Variants in INO80 observed in about 807,000 individuals in gnomAD.
The protein encoded by INO80 is INO80 complex ATPase subunit, also known as chromatin-remodeling ATPase INO80.
A neutral mutation model predicts 203.4 loss-of-function variants in INO80; 20 were observed. The observed-to-expected ratio is 0.10, with a 90% CI of 0.07 to 0.14. The LOEUF is 0.14. Among genes scored for constraint, INO80 ranks in the 10% least tolerant of loss-of-function variants. INO80 has a pLI of 1.00. For missense variants in INO80, 1,419 were observed against 1,914.4 expected (o/e 0.74, Z 4.83); for synonymous variants, 726 against 685.2 (o/e 1.06, Z -0.93).
intron 7 of INO80, among the ~76,000 whole-genome samples, chr15:41,081,395 A>G (rs2045482635): frequency 6.6e-6 from 1 of 152,198 alleles, no homozygotes; most frequent in Non-Finnish European, 1.5e-5. Context: ...TATCCTGATT[A>G]AAAACATGTT....
intron 28 of INO80, chr15:41,005,350 T>C: frequency 2.5e-6 from 1 of 394,378 alleles, no homozygotes; most frequent in Non-Finnish European, 4.5e-6. Flanking sequence ...AAATAGGCAC[T>C]GGTGTCATAA....
intron 10 of INO80, 38 bp downstream of exon 10, chr15:41,074,332 A>C (rs959022611): frequency 3.4e-6 from 5 of 1,464,374 alleles, no homozygotes; most frequent in Non-Finnish European, 4.6e-6. Context: ...ATAAAAAATA[A>C]GAGGTAGCCT....
At chr15:41,083,027 A>C (rs1394426220) in intron 7 of INO80, among the ~76,000 whole-genome samples, 3 of 152,108 alleles carry the variant, frequency 2.0e-5, no homozygotes, top group Non-Finnish European at 4.4e-5. Context: ...TCACGTCTGC[A>C]ATCCCGGCAC....
intron 28 of INO80, chr15:41,004,865 A>T (rs2044014755): frequency 6.6e-6 from 1 of 152,174 alleles, no homozygotes; most frequent in Non-Finnish European, 1.5e-5. Flanking sequence ...GAAACACAGA[A>T]ACAAACTAAT....
At chr15:41,005,517 A>G in intron 28 of INO80, 76 bp downstream of exon 28, 1 of 739,060 alleles carries the variant, frequency 1.4e-6, no homozygotes, top group Non-Finnish European at 2.3e-6. Flanking sequence ...GGCATTTAAA[A>G]AAAAAAAAAA....
At position 41,048,250 on chromosome 15, in the gene INO80, G is replaced by A. The variant is rs2044802890; in HGVS notation, c.2603C>T (p.Ala868Val). The change falls in exon 22 of 36, where the codon GCA (alanine) becomes GTA (valine). Residue 868 changes from alanine to valine, a missense_variant. Around this residue, in one of 9 missense-constraint regions of INO80, gnomAD observed 302 missense variants for 345.4 expected, o/e 0.87. Coordinates refer to ENST00000648947, the MANE Select transcript of INO80 (RefSeq NM_017553.3). ...GAGAGACCGTTGGATATAGTCTGGTGCAAATGGAGAAAGAACCCTTAACCA... is the reference window on the plus strand; with the variant it reads ...GAGAGACCGTTGGATATAGTCTGGTACAAATGGAGAAAGAACCCTTAACCA... ...DRWLRVLSPF[A>V]PDYIQRSLFH... The A allele has an allele frequency of 1.2e-6, 2 of 1,613,228 alleles. No individual in the cohort carries two copies. The highest frequency in any genetic ancestry group is 1.7e-6 in the Non-Finnish European group (2 of 1,179,408).
At chr15:41,057,175 C>T (rs971435591) in intron 16 of INO80, among the ~76,000 whole-genome samples, 10 of 152,248 alleles carry the variant, frequency 6.6e-5, no homozygotes, top group Admixed American at 6.5e-4. Context: ...TATGCTCCTT[C>T]GAACAACTGC....
intron 27 of INO80, among the ~76,000 whole-genome samples, chr15:41,007,759 T>C (rs569430532): frequency 3.0e-5 from 2 of 67,660 alleles, no homozygotes; most frequent in Admixed American, 2.2e-4. Context: ...TTTCAGTAAA[T>C]AGCTTCAAAA....
chr15:40,995,582 G>A (rs776957088), intron 29 of INO80, among the ~76,000 whole-genome samples: 33 of 152,164 alleles, frequency 2.2e-4, no homozygotes, highest in Admixed American at 4.6e-4. Context: ...AGGGCAGAGA[G>A]AAACTAACAG....
chr15:40,989,350 T>TATC (rs2043786855), intron 29 of INO80, among the ~76,000 whole-genome samples: 1 of 152,168 alleles, frequency 6.6e-6, no homozygotes, highest in Non-Finnish European at 1.5e-5. Context: ...CAACAAAATA[T>TATC]ATCACCACTA....
intron 6 of INO80, 41 bp downstream of exon 6, chr15:41,087,521 C>CT: frequency 1.9e-6 from 3 of 1,606,728 alleles, no homozygotes; most frequent in Non-Finnish European, 2.6e-6. Flanking sequence ...AATTCTGAAA[C>CT]TAAGAATGAA....
chr15:40,988,424 G>C (rs2043770489), intron 29 of INO80, among the ~76,000 whole-genome samples: 1 of 152,168 alleles, frequency 6.6e-6, no homozygotes, highest in South Asian at 2.1e-4. Context: ...AAATGAGCTA[G>C]ACAATTTATC....
intron 27 of INO80, among the ~76,000 whole-genome samples, chr15:41,011,354 T>TA (rs1440554201): frequency 1.3e-5 from 2 of 152,216 alleles, no homozygotes; most frequent in African/African-American, 2.4e-5. Flanking sequence ...CTGACAGGTA[T>TA]TTGTGTATGT....
chr15:40,991,772 ATTTC>A (rs922410987), intron 29 of INO80, among the ~76,000 whole-genome samples: 30 of 151,302 alleles, frequency 2.0e-4, no homozygotes, highest in East Asian at 3.9e-4. Context: ...AAACAGGAAA[ATTTC>A]TTTCTTTTTT....
At chr15:40,981,202 G>C (rs1893815565) in intron 35 of INO80, among the ~76,000 whole-genome samples, 1 of 151,966 alleles carries the variant, frequency 6.6e-6, no homozygotes, top group Admixed American at 6.6e-5. Flanking sequence ...GGTACTCTCT[G>C]AACCACTCCT....
At chr15:41,024,517 C>T (rs2140474316) in intron 25 of INO80, 1 of 152,214 alleles carries the variant, frequency 6.6e-6, no homozygotes, top group East Asian at 1.9e-4. Context: ...TCATTAACCT[C>T]TGAAACTACA....
chr15:41,100,321 G>A (rs1159781115), intron 1 of INO80, among the ~76,000 whole-genome samples: 1 of 152,204 alleles, frequency 6.6e-6, no homozygotes, highest in African/African-American at 2.4e-5. Flanking sequence ...TGATTCGCCC[G>A]CCTCGGCCTC....
chr15:40,981,249 T>TG (rs1369471960), intron 35 of INO80, among the ~76,000 whole-genome samples: 1 of 152,210 alleles, frequency 6.6e-6, no homozygotes, highest in Non-Finnish European at 1.5e-5. Flanking sequence ...CAAGCACTGT[T>TG]GGTTTTTCTT....
chr15:41,079,122 A>G (rs2045446677), intron 9 of INO80, among the ~76,000 whole-genome samples: 1 of 151,922 alleles, frequency 6.6e-6, no homozygotes, highest in African/African-American at 2.4e-5. Flanking sequence ...GGGCGACAAG[A>G]GTGAAACTTC....
Sources: gnomAD v4.1 joint callset for allele counts (sites outside exome capture counted in the v4.1 genomes callset) on GRCh38, gnomAD v4.1.1 for gene constraint, gnomAD v4.1.1 regional missense constraint, MANE v1.5 for transcripts, NCBI Gene and HGNC (gene_info 2026-07-23, HGNC 2026-07-21) for gene names.